The following SMAD5 variants were observed in gnomAD, a reference collection of about 807,000 sequenced individuals.
SMAD5 encodes the protein MAD, mothers against decapentaplegic homolog 5.
SMAD5 carries 9 observed loss-of-function variants against 43.1 expected under a neutral mutation model. The observed-to-expected ratio is 0.21, with a 90% confidence interval of 0.13 to 0.36. The LOEUF (loss-of-function observed/expected upper bound fraction) is 0.36, where lower values mean the gene tolerates loss of function less well. Ranked by LOEUF, SMAD5 falls within the 10% of genes least tolerant of loss-of-function variation. The pLI, the probability that SMAD5 is intolerant of heterozygous loss-of-function variation, is 1.00. For missense variants in SMAD5, 348 were observed against 574.0 expected, an observed-to-expected ratio of 0.61 and a Z score of 4.02; for synonymous variants, 190 against 192.4, an observed-to-expected ratio of 0.99 and a Z score of 0.10.
intron 1 of SMAD5, among the ~76,000 whole-genome samples, chr5:136,145,586 C>T (rs1753233026): frequency 1.3e-5 from 2 of 151,956 alleles, no homozygotes; most frequent in South Asian, 4.1e-4. Flanking sequence ...AAGTACATGA[C>T]TGTATGCTTA....
chr5:136,152,363 A>C (rs1300449040), intron 2 of SMAD5, among the ~76,000 whole-genome samples: 1 of 152,154 alleles, frequency 6.6e-6, no homozygotes, highest in East Asian at 1.9e-4. Flanking sequence ...TTATTTGTTG[A>C]GTGTATGTCA....
intron 1 of SMAD5, among the ~76,000 whole-genome samples, chr5:136,141,535 C>A (rs1753082718): frequency 1.3e-5 from 2 of 152,154 alleles, no homozygotes; most frequent in African/African-American, 4.8e-5. Context: ...TCATATAGTA[C>A]CTTTGTATGG....
intron 3 of SMAD5, among the ~76,000 whole-genome samples, chr5:136,156,821 A>T (rs1753653527): frequency 6.6e-6 from 1 of 152,170 alleles, no homozygotes; most frequent in Admixed American, 6.5e-5. Flanking sequence ...CATAGCTCTG[A>T]TACTTTTAAA....
intron 1 of SMAD5, among the ~76,000 whole-genome samples, chr5:136,142,532 T>G (rs538467736): frequency 6.6e-6 from 1 of 152,276 alleles, no homozygotes; most frequent in Non-Finnish European, 1.5e-5. Context: ...ATGATTACCT[T>G]GGTTTTCTTT....
intron 3 of SMAD5, among the ~76,000 whole-genome samples, chr5:136,154,384 G>A (rs544959782): frequency 7.4e-4 from 113 of 152,166 alleles, no homozygotes; most frequent in African/African-American, 2.7e-3. Flanking sequence ...TTCACTGTAA[G>A]CACCCATATA....
At chr5:136,141,153 T>C (rs1260195517) in intron 1 of SMAD5, among the ~76,000 whole-genome samples, 2 of 152,014 alleles carry the variant, frequency 1.3e-5, no homozygotes, top group Admixed American at 6.6e-5. Context: ...TGGCCAGGGA[T>C]TAAGAAAAGT....
chr5:136,151,443 G>C (rs569985034), intron 2 of SMAD5, among the ~76,000 whole-genome samples: 1 of 152,088 alleles, frequency 6.6e-6, no homozygotes, highest in South Asian at 2.1e-4. Flanking sequence ...AGAGAATTTA[G>C]GGGAGAGAAC....
At chr5:136,134,026 A>C (rs1461856345) in intron 1 of SMAD5, 1 of 67,838 alleles carries the variant, frequency 1.5e-5, no homozygotes, top group African/African-American at 6.5e-5. Context: ...TTTCCTGACC[A>C]GCTGGAGCTT....
chr5:136,146,136 G>C (rs1753251176), intron 1 of SMAD5, among the ~76,000 whole-genome samples: 1 of 151,776 alleles, frequency 6.6e-6, no homozygotes, highest in South Asian at 2.1e-4. Context: ...CCTTTTATAG[G>C]CACTCAGTAA....
chr5:136,151,768 C>T (rs1753474698), intron 2 of SMAD5, among the ~76,000 whole-genome samples: 3 of 151,946 alleles, frequency 2.0e-5, no homozygotes, highest in Admixed American at 2.0e-4. Flanking sequence ...CTTATCTAGC[C>T]TAGGAAATGC....
At chr5:136,134,719 A>C (rs1214933792) in intron 1 of SMAD5, 4 of 152,258 alleles carry the variant, frequency 2.6e-5, no homozygotes, top group African/African-American at 7.2e-5. Flanking sequence ...TTAGATTTAT[A>C]AAGTTTAATT....
chr5:136,156,129 A>T (rs1397563137), intron 3 of SMAD5, among the ~76,000 whole-genome samples: 1 of 152,204 alleles, frequency 6.6e-6, no homozygotes, highest in Non-Finnish European at 1.5e-5. Context: ...TTCCAAGCCC[A>T]TGTGATTGTT....
chr5:136,161,337 T>C (rs976912424), intron 4 of SMAD5, among the ~76,000 whole-genome samples: 6 of 152,240 alleles, frequency 3.9e-5, no homozygotes, highest in Non-Finnish European at 7.3e-5. Context: ...TATTTTCTTC[T>C]ATTTTATGAC....
chr5:136,134,811 A>G (rs1185616784), intron 1 of SMAD5: 2 of 152,018 alleles, frequency 1.3e-5, no homozygotes, highest in South Asian at 2.1e-4. Flanking sequence ...TCTTTTTTAC[A>G]TTACTGCTGT....
intron 3 of SMAD5, among the ~76,000 whole-genome samples, chr5:136,156,415 C>T (rs538007378): frequency 4.6e-5 from 7 of 152,160 alleles, no homozygotes; most frequent in Admixed American, 2.0e-4. Flanking sequence ...CTGGGTTTCA[C>T]GTGGAGATGT....
At chr5:136,150,617 C>G (rs1274297873) in intron 2 of SMAD5, among the ~76,000 whole-genome samples, 5 of 151,894 alleles carry the variant, frequency 3.3e-5, no homozygotes, top group African/African-American at 1.2e-4. Flanking sequence ...TGGAGCTCAT[C>G]ATTAAGAATG....
At chr5:136,173,845 A>G (rs535959854) in intron 6 of SMAD5, among the ~76,000 whole-genome samples, 2 of 151,778 alleles carry the variant, frequency 1.3e-5, no homozygotes, top group African/African-American at 4.8e-5. Flanking sequence ...CATCTTGCAA[A>G]GGAACATATA....
chr5:136,151,655 C>T (rs1427423172), intron 2 of SMAD5, among the ~76,000 whole-genome samples: 1 of 151,992 alleles, frequency 6.6e-6, no homozygotes, highest in African/African-American at 2.4e-5. Flanking sequence ...CCTTAACTGT[C>T]TCTCTGTTGC....
intron 4 of SMAD5, 32 bp downstream of exon 4, chr5:136,161,139 A>C: frequency 6.3e-7 from 1 of 1,594,914 alleles, no homozygotes; most frequent in Non-Finnish European, 8.5e-7. Flanking sequence ...ACCAAAAAAA[A>C]AAAAATTCCT....
Sources: gnomAD v4.1 joint callset for allele counts (sites outside exome capture counted in the v4.1 genomes callset) on GRCh38, gnomAD v4.1.1 for gene constraint, MANE v1.5 for transcripts, NCBI Gene and HGNC (gene_info 2026-07-23, HGNC 2026-07-21) for gene names.